Variants in RBM27 observed in about 807,000 individuals in gnomAD.
RBM27 encodes the protein RNA binding motif protein 27, also known as RNA-binding protein 27.
A neutral mutation model predicts 135.3 loss-of-function variants in RBM27; 22 were observed. That is an observed-to-expected ratio of 0.16 (90% confidence interval 0.12 to 0.23). RBM27 has a LOEUF of 0.23. Among genes scored for constraint, RBM27 ranks in the 10% least tolerant of loss-of-function variants. The probability of loss-of-function intolerance (pLI) is 1.00; values close to 1 mark genes in which losing one functional copy is unlikely to be tolerated. For missense variants in RBM27, 1,009 were observed against 1,281.0 expected (o/e 0.79, Z 3.24); for synonymous variants, 481 against 442.4 (o/e 1.09, Z -1.10).
At chr5:146,237,566 A>C (rs955523332) in intron 8 of RBM27, 134 bp downstream of exon 8, 1 of 1,071,632 alleles carries the variant, frequency 9.3e-7, no homozygotes, top group African/African-American at 1.6e-5. Context: ...TGTGTTTACA[A>C]TACAGTTTAT....
intron 14 of RBM27, among the ~76,000 whole-genome samples, chr5:146,265,523 A>T (rs1398355001): frequency 6.6e-6 from 1 of 152,196 alleles, no homozygotes; most frequent in Non-Finnish European, 1.5e-5. Context: ...TTTAACTTGG[A>T]ACCATGTAAA....
chr5:146,211,494 T>TTTTTC (rs1755951478), intron 1 of RBM27, among the ~76,000 whole-genome samples: 1 of 108,516 alleles, frequency 9.2e-6, no homozygotes, highest in Non-Finnish European at 1.9e-5. Context: ...TTTTTTTTTT[T>TTTTTC]ACTTTGAGAG....
chr5:146,269,716 T>TA (rs1174157704), intron 17 of RBM27, 132 bp downstream of exon 17: 446 of 348,158 alleles, frequency 1.3e-3, no homozygotes, highest in East Asian at 2.6e-3. Context: ...TTATAGTACT[T>TA]AAAAAAAAAA....
intron 7 of RBM27, among the ~76,000 whole-genome samples, 160 bp from the exon 8 acceptor site, chr5:146,237,138 C>A (rs1358129193): frequency 6.6e-6 from 1 of 152,080 alleles, no homozygotes; most frequent in African/African-American, 2.4e-5. Flanking sequence ...GAGGTTTCTC[C>A]ATGTTGGTCA....
At position 146,225,908 on chromosome 5, in the gene RBM27, G is replaced by C. The variant is rs528866040; in HGVS notation, c.303+2381G>C. Among the ~76,000 whole-genome samples, 3 of 152,148 alleles carry C rather than the reference G, an allele frequency of 2.0e-5. No homozygotes were observed. In the South Asian group the frequency reaches 6.2e-4, roughly 32 times the overall value. On this transcript the variant is annotated intron_variant, in intron 3 of 20. Transcript: ENST00000265271. ...GACAGAGTCTCATTCTGTCACCCAG[G>C]GTGGAGTGCGGTGGCGCGATCTCGG...
chr5:146,248,239 T>TG (rs1323050124), intron 8 of RBM27, among the ~76,000 whole-genome samples: 1 of 148,962 alleles, frequency 6.7e-6, no homozygotes, highest in East Asian at 1.9e-4. Context: ...TGCTAGTTTT[T>TG]TTTTTTTTTT....
chr5:146,218,878 T>TAA, intron 1 of RBM27, 107 bp from the exon 2 acceptor site: 1 of 618,062 alleles, frequency 1.6e-6, no homozygotes. Flanking sequence ...CTTTTTAGAA[T>TAA]AGAGTTTTGA....
At chr5:146,204,986 C>T (rs1210224865) in intron 1 of RBM27, among the ~76,000 whole-genome samples, 1 of 152,200 alleles carries the variant, frequency 6.6e-6, no homozygotes, top group Non-Finnish European at 1.5e-5. Flanking sequence ...CAACCTCCGC[C>T]TCCCGGGTTC....
At chr5:146,241,455 G>T (rs1757405800) in intron 8 of RBM27, among the ~76,000 whole-genome samples, 1 of 152,136 alleles carries the variant, frequency 6.6e-6, no homozygotes, top group Non-Finnish European at 1.5e-5. Flanking sequence ...TGTAGTATAT[G>T]AGTAAAGGCC....
chr5:146,244,450 A>C (rs1757535417), intron 8 of RBM27, among the ~76,000 whole-genome samples: 1 of 152,158 alleles, frequency 6.6e-6, no homozygotes, highest in Admixed American at 6.5e-5. Context: ...TAAATAACTA[A>C]CTGTGTTTGG....
At chr5:146,237,244 T>G in intron 7 of RBM27, 54 bp from the exon 8 acceptor site, 1 of 1,606,300 alleles carries the variant, frequency 6.2e-7, no homozygotes, top group Non-Finnish European at 8.5e-7. Context: ...GGCCTGATAC[T>G]TTTATTAGGA....
chr5:146,266,185 A>G (rs1758609762), intron 14 of RBM27, among the ~76,000 whole-genome samples: 1 of 151,958 alleles, frequency 6.6e-6, no homozygotes, highest in African/African-American at 2.4e-5. Context: ...AACAAATCTG[A>G]TCAGGCCTCT....
Position 146,203,783 on chromosome 5 carries a change from G to C in RBM27, c.18G>C (p.Val6=), listed in dbSNP as rs1017208271. The C allele has an allele frequency of 4.5e-6, 7 of 1,550,992 alleles. No individual in the cohort carries two copies. The African/African-American group carries it at 9.6e-5, about 21-fold the overall frequency. MLIED[V]DALKSWLAKL... ...CCTGCACCATGCTCATAGAGGATGT[G>C]GATGCCCTCAAGTCCTGGCTGGCCA... Residue 6 remains valine, a synonymous_variant, in exon 1 of 21, where the codon GTG becomes GTC. Coordinates refer to ENST00000265271, the MANE Select transcript of RBM27 (RefSeq NM_018989.2).
chr5:146,280,264 G>A lies in RBM27; in HGVS notation c.2989-4358G>A, dbSNP rs374961752. Among the ~76,000 whole-genome samples the A allele has an allele frequency of 3.8e-4, 58 of 152,068 alleles. No homozygotes were observed. In the East Asian group the frequency reaches 0.011, roughly 28 times the overall value. On this transcript the variant is annotated intron_variant, in intron 19 of 20. Transcript: ENST00000265271. ...GTAGAGATGAGGTTTCACCATGTTG[G>A]CCAGCTGGTCTCAAACTCCTGAACT... is the stretch of plus-strand genomic sequence containing the variant.
Position 146,287,628 on chromosome 5 carries a change from A to T in RBM27, c.*1598A>T, listed in dbSNP as rs944077064. On this transcript the variant is annotated 3_prime_UTR_variant, in exon 21 of 21. Coordinates refer to ENST00000265271, the MANE Select transcript of RBM27 (RefSeq NM_018989.2). ...AAGAACTTAAAACCATCAGGATTCT[A>T]GATTTACTTAGCTATAAGAAGTTAA... The T allele has an allele frequency of 1.3e-5, 2 of 152,184 alleles. No individual in the cohort carries two copies. Among genetic ancestry groups the T allele is most frequent in the Middle Eastern group, 3.2e-3 (1 of 316 alleles). 9.4% of individuals were successfully genotyped at this position (152,184 alleles called of 1,614,324 possible). A position where few individuals can be genotyped will look rare whatever the true frequency, so the allele number is the denominator to read the frequency against.
At chr5:146,256,617 G>A (rs1758117116) in intron 10 of RBM27, among the ~76,000 whole-genome samples, 1 of 151,970 alleles carries the variant, frequency 6.6e-6, no homozygotes, top group South Asian at 2.1e-4. Flanking sequence ...GACTCCCAAA[G>A]TGCTGGTATT....
At position 146,263,497 on chromosome 5, in the gene RBM27, A is replaced by T. The variant is rs759890027; in HGVS notation, c.2197A>T (p.Ser733Cys). 6.2e-7 allele frequency: 1 copy of T among 1,613,170 alleles called. No individual in the cohort carries two copies. The highest frequency in any genetic ancestry group is 8.5e-7 in the Non-Finnish European group (1 of 1,179,554). The change falls in exon 14 of 21, where the codon AGC (serine) becomes TGC (cysteine). Residue 733 changes from serine to cysteine, a missense_variant. By Grantham distance (112) the Ser-to-Cys change is moderately radical. Transcript: ENST00000265271. The part of the protein sequence containing the change: ...TVHGGIQKMM[S>C]KPQTSGAYVL... ...GTTCATTTTGTATGTGCAGATGATGAGCAAACCACAGACATCAGGTGCATA... is the reference window on the plus strand; with the variant it reads ...GTTCATTTTGTATGTGCAGATGATGTGCAAACCACAGACATCAGGTGCATA...
At chr5:146,228,131 C>G (rs1756755740) in intron 3 of RBM27, among the ~76,000 whole-genome samples, 1 of 152,092 alleles carries the variant, frequency 6.6e-6, no homozygotes, top group Non-Finnish European at 1.5e-5. Context: ...TTGAAGTAAT[C>G]TGAGCATCTT....
Position 146,245,022 on chromosome 5 carries a change from A to G in RBM27, c.1280-6689A>G, listed in dbSNP as rs1757560810. On this transcript the variant is annotated intron_variant, in intron 8 of 20. Transcript: ENST00000265271. ...CCAAATAACTAGGCTGTACAGGCACATGCCACCATGCCCAGCTAATGTTGA... is the reference window on the plus strand; with the variant it reads ...CCAAATAACTAGGCTGTACAGGCACGTGCCACCATGCCCAGCTAATGTTGA... 2.7e-5 allele frequency among the ~76,000 whole-genome samples: 4 copies of G among 150,204 alleles called. No homozygotes were observed. The South Asian group carries it at 8.5e-4, about 32-fold the overall frequency.
Sources: allele counts gnomAD v4.1 joint callset (sites outside exome capture counted in the v4.1 genomes callset), GRCh38; gene constraint gnomAD v4.1.1; transcripts MANE v1.5; gene names NCBI Gene and HGNC (gene_info 2026-07-23, HGNC 2026-07-21).